The following DPH1 variants were observed in gnomAD, a reference collection of about 807,000 sequenced individuals.
DPH1 encodes 2-(3-amino-3-carboxypropyl)histidine synthase subunit 1.
A neutral mutation model predicts 55.3 loss-of-function variants in DPH1; 59 were observed. That is an observed-to-expected ratio of 1.07 (90% CI 0.87 to 1.33). The LOEUF (loss-of-function observed/expected upper bound fraction) is 1.33, where lower values mean the gene tolerates loss of function less well. Among genes scored for constraint, DPH1 ranks in the 40% most tolerant of loss-of-function variants. The pLI is 0.00. For synonymous variants in DPH1, 238 were observed against 235.5 expected (o/e 1.01, Z -0.10); for missense variants, 628 against 584.8 (o/e 1.07, Z -0.76).
At chr17:2,042,244 C>G in intron 12 of DPH1, 4 of 1,414,400 alleles carry the variant, frequency 2.8e-6, no homozygotes, top group Non-Finnish European at 3.7e-6. Context: ...GAGACAAGCC[C>G]CGCTCCGGAA....
chr17:2,042,339 C>T (rs1411930897), intron 12 of DPH1: 2 of 1,365,562 alleles, frequency 1.5e-6, no homozygotes, highest in Admixed American at 3.5e-5. Context: ...ATTCCTCCCA[C>T]CCAGTCCACA....
At chr17:2,042,561 C>G in intron 12 of DPH1, 44 bp from the exon 13 acceptor site, 1 of 1,485,028 alleles carries the variant, frequency 6.7e-7, no homozygotes, top group South Asian at 1.5e-5. Flanking sequence ...CTTCCTGGAG[C>G]CTCCCATGCC....
chr17:2,039,704 T>C, intron 6 of DPH1, 51 bp from the exon 7 acceptor site: 1 of 1,612,266 alleles, frequency 6.2e-7, no homozygotes, highest in Non-Finnish European at 8.5e-7. Context: ...AGCCAGCGAG[T>C]GCCTCTTCTG....
chr17:2,039,869 A>G, intron 7 of DPH1, 46 bp downstream of exon 7: 1 of 1,612,374 alleles, frequency 6.2e-7, no homozygotes, highest in Non-Finnish European at 8.5e-7. Flanking sequence ...GAGGGGTGAG[A>G]TTCCCTGCCA....
chr17:2,037,498 A>C (rs566610746), intron 6 of DPH1, among the ~76,000 whole-genome samples: 158 of 152,072 alleles, frequency 1.0e-3, no homozygotes, highest in Middle Eastern at 6.8e-3. Context: ...GGCTGTTTCC[A>C]CAGGCCTGAC....
In DPH1 at chr17:2,038,147, CAA is replaced by C. The variant is rs201391773; in HGVS notation, c.680+1216_680+1217del. ...GAATATAATGAAACCCTGTTCTCTC[CAA>C]AAAAAAAAAAAAAAAAAAAAAAAAG... On this transcript the variant is annotated intron_variant, in intron 6 of 12. Coordinates refer to ENST00000263083, the MANE Select transcript of DPH1 (RefSeq NM_001383.6). Among the ~76,000 whole-genome samples, 516 of 108,614 alleles carry C rather than the reference CAA, an allele frequency of 4.8e-3. 1 individual carries two copies. Among genetic ancestry groups the C allele is most frequent in the African/African-American group, 0.012 (314 of 27,032 alleles). 71.3% of individuals were successfully genotyped at this position (108,614 alleles called of 152,430 possible). A position where few individuals can be genotyped will look rare whatever the true frequency, so the allele number is the denominator to read the frequency against.
chr17:2,040,511 G>A lies in DPH1; in HGVS notation c.913G>A (p.Glu305Lys). ...TGCCTCCCTCTCCCAACAGCACCTG[G>A]AATCTCGACTCCGAGCCTTGGGCCT... is the stretch of plus-strand genomic sequence containing the variant. ...QGSPKILEHL[E>K]SRLRALGLSF... Residue 305 changes from glutamate (E) to lysine (K), a missense_variant, in exon 9 of 13, where the codon GAA becomes AAA. By Grantham distance (56) the Glu-to-Lys change is moderately conservative. Coordinates refer to ENST00000263083, the MANE Select transcript of DPH1 (RefSeq NM_001383.6). 6.2e-7 allele frequency: 1 copy of A among 1,614,190 alleles called. No individual in the cohort carries two copies. Among genetic ancestry groups the A allele is most frequent in the South Asian group, 1.1e-5 (1 of 91,084 alleles).
At chr17:2,034,512 C>A (rs2067377970) in intron 3 of DPH1, among the ~76,000 whole-genome samples, 1 of 116,422 alleles carries the variant, frequency 8.6e-6, no homozygotes, top group African/African-American at 3.3e-5. Flanking sequence ...TCTCCCCCAT[C>A]CCCCTCCCCT....
At chr17:2,040,000 C>T (rs898449540) in intron 7 of DPH1, among the ~76,000 whole-genome samples, 177 bp downstream of exon 7, 6 of 152,234 alleles carry the variant, frequency 3.9e-5, no homozygotes, top group Non-Finnish European at 8.8e-5. Flanking sequence ...GCCTACCCGT[C>T]TCCTGGGGTT....
At chr17:2,035,468 GGGT>G (rs2067404995) in intron 3 of DPH1, among the ~76,000 whole-genome samples, 6 of 14,276 alleles carry the variant, frequency 4.2e-4, no homozygotes, top group Non-Finnish European at 7.7e-4. Context: ...GTGGGGGTCC[GGGT>G]GAGGGGGCCC....
intron 1 of DPH1, among the ~76,000 whole-genome samples, chr17:2,031,748 A>G (rs1157184167): frequency 6.6e-6 from 1 of 152,060 alleles, no homozygotes; most frequent in Non-Finnish European, 1.5e-5. Flanking sequence ...CTTAAAAAAT[A>G]ATAAGATGAA....
chr17:2,041,899 G>A (rs748456528), intron 12 of DPH1, 24 bp downstream of exon 12: 3 of 1,549,856 alleles, frequency 1.9e-6, no homozygotes, highest in African/African-American at 2.7e-5. Flanking sequence ...CTCTGGGTGC[G>A]CCCCGCCTTT....
Position 2,030,226 on chromosome 17 carries a change from C to T in DPH1, c.57C>T (p.Gly19=), listed in dbSNP as rs1410450036. The change falls in exon 1 of 13, where the codon GGC becomes GGT. Residue 19 remains glycine, a synonymous_variant. Transcript: ENST00000263083. ...AAEQGGRDGP[G]RGRAPRGRVA... ...AGCAGGGCGGCCGAGACGGCCCTGGCAGAGGTGGGTGCTGGAACGCTGCGC... is the reference window on the plus strand; with the variant it reads ...AGCAGGGCGGCCGAGACGGCCCTGGTAGAGGTGGGTGCTGGAACGCTGCGC... 3.2e-6 allele frequency: 5 copies of T among 1,584,234 alleles called. No individual in the cohort carries two copies. The highest frequency in any genetic ancestry group is 3.4e-6 in the Non-Finnish European group (4 of 1,166,004).
chr17:2,036,538 A>G lies in DPH1; in HGVS notation c.410A>G (p.Asp137Gly), dbSNP rs1237883882. The change falls in exon 5 of 13, where the codon GAC becomes GGC. Residue 137 changes from aspartate to glycine, a missense_variant. By Grantham distance (94) the Asp-to-Gly change is moderately conservative (BLOSUM62 -1). Coordinates refer to ENST00000263083, the MANE Select transcript of DPH1 (RefSeq NM_001383.6). The surrounding 1 kb of genome is among the most constrained non-coding windows in gnomAD (Gnocchi z 4.8). ...CTCCTCCCTCCCACAGTTCCCATGG[A>G]CACCTCGGCCCAAGACTTCCGGGTG... ...HYGHSCLIPM[D>G]TSAQDFRVLY... The G allele has an allele frequency of 3.1e-6, 5 of 1,613,872 alleles. No individual in the cohort carries two copies. The South Asian group carries it at 5.5e-5, about 18-fold the overall frequency.
At chr17:2,033,699 T>G in intron 2 of DPH1, 42 bp downstream of exon 2, 1 of 1,613,704 alleles carries the variant, frequency 6.2e-7, no homozygotes, top group Non-Finnish European at 8.5e-7. Context: ...GTGGAGAGGT[T>G]GCCTGGCCCA....
chr17:2,030,123 G>A, upstream of DPH1: 1 of 1,574,608 alleles, frequency 6.4e-7, no homozygotes, highest in East Asian at 2.3e-5. Flanking sequence ...TGCGCTCTCC[G>A]CGTTCTTCCA....
chr17:2,041,911 G>C (rs1441854862), intron 12 of DPH1, 36 bp downstream of exon 12: 17 of 1,543,164 alleles, frequency 1.1e-5, no homozygotes, highest in African/African-American at 1.4e-5. Context: ...CCCGCCTTTT[G>C]CCGTTGTCAT....
chr17:2,036,332 C>T lies in DPH1; in HGVS notation c.401-197C>T, dbSNP rs554858754. The T allele has an allele frequency of 5.1e-4, 535 of 1,047,716 alleles. 1 individual carries two copies. The highest frequency in any genetic ancestry group is 6.9e-4 in the Non-Finnish European group (512 of 742,608). 64.9% of individuals were successfully genotyped at this position (1,047,716 alleles called of 1,614,324 possible). On this transcript the variant is annotated intron_variant, in intron 4 of 12. Coordinates refer to ENST00000263083, the MANE Select transcript of DPH1 (RefSeq NM_001383.6). This position sits in a 1 kb window ranked among gnomAD's most constrained non-coding sequence, Gnocchi z 4.8. ...GAAAGGCTGTTGGTTGTAGAGCAGG[C>T]TGGGCCCCGGCCGGGTGACAGAGAA...
Position 2,043,185 on chromosome 17 carries a change from A to T in DPH1, c.*599A>T. 6.7e-7 allele frequency: 1 copy of T among 1,496,404 alleles called. No individual in the cohort carries two copies. Among genetic ancestry groups the T allele is most frequent in the Non-Finnish European group, 9.0e-7 (1 of 1,106,844 alleles). The allele number at this position is 1,496,404 out of a possible 1,614,324, so 92.7% of individuals were successfully genotyped here. On this transcript the variant is annotated 3_prime_UTR_variant, in exon 13 of 13. Coordinates refer to ENST00000263083, the MANE Select transcript of DPH1 (RefSeq NM_001383.6). Reference sequence around the variant, plus strand: ...CATCCATGCCCTCCCAGGACCCTCCACTCACTGCTGTGAGTGCGCCTCACC... The same window carrying T: ...CATCCATGCCCTCCCAGGACCCTCCTCTCACTGCTGTGAGTGCGCCTCACC...
Sources: gnomAD v4.1 joint callset for allele counts (sites outside exome capture counted in the v4.1 genomes callset) on GRCh38, gnomAD v4.1.1 for gene constraint, Gnocchi (gnomAD v3.1) non-coding constraint, MANE v1.5 for transcripts, NCBI Gene and HGNC (gene_info 2026-07-23, HGNC 2026-07-21) for gene names.